Variants in CNTN4 observed in about 807,000 individuals in gnomAD.
CNTN4 encodes contactin-4.
In CNTN4, 77 loss-of-function variants were observed where a neutral mutation model predicts 122.5. That is an observed-to-expected ratio of 0.63 (90% CI 0.52 to 0.76). The LOEUF (loss-of-function observed/expected upper bound fraction) is 0.76. Among genes scored for constraint, CNTN4 ranks in the 30% least tolerant of loss-of-function variants. CNTN4 has a pLI of 0.00. For synonymous variants in CNTN4, 512 were observed against 447.0 expected (o/e 1.15, Z -1.83); for missense variants, 1,256 against 1,259.1 (o/e 1.00, Z 0.04).
chr3:2,482,345 T>A (rs1180960801), intron 3 of CNTN4, among the ~76,000 whole-genome samples: 1 of 151,926 alleles, frequency 6.6e-6, no homozygotes, highest in African/African-American at 2.4e-5. Flanking sequence ...TTAGGGTACC[T>A]GACAGAAGCA....
chr3:2,923,827 G>C (rs2094449941), intron 12 of CNTN4, among the ~76,000 whole-genome samples: 1 of 151,992 alleles, frequency 6.6e-6, no homozygotes, highest in Admixed American at 6.6e-5. Context: ...TATTGTTTTT[G>C]TAGTGTTCTC....
At chr3:2,173,646 C>A (rs1048250148) in intron 2 of CNTN4, among the ~76,000 whole-genome samples, 3 of 152,068 alleles carry the variant, frequency 2.0e-5, no homozygotes, top group Admixed American at 2.0e-4. Context: ...TAGAGAAAAT[C>A]TTTCGGATGT....
rs546119323 is a variant in CNTN4, at chr3:2,451,767, A to G, written c.-89+112534A>G. Among the ~76,000 whole-genome samples the G allele has an allele frequency of 1.2e-4, 19 of 152,266 alleles. No homozygotes were observed. The South Asian group carries it at 3.9e-3, about 32-fold the overall frequency. ...CCCTTCATTATTGTATCCTGATTAT[A>G]TATGTAATATGCCTTCCCAGGTTCA... On this transcript the variant is annotated intron_variant, in intron 3 of 24. Transcript: ENST00000418658.
chr3:2,411,637 T>C lies in CNTN4; in HGVS notation c.-89+72404T>C, dbSNP rs115827353. ...ATGGACTAATCGCTTCCCTGCCTGCTGCCTGCCTGCCTGCCTTCCTCCCTC... is the reference window on the plus strand; with the variant it reads ...ATGGACTAATCGCTTCCCTGCCTGCCGCCTGCCTGCCTGCCTTCCTCCCTC... On this transcript the variant is annotated intron_variant, in intron 3 of 24. Coordinates refer to ENST00000418658, the MANE Select transcript of CNTN4 (RefSeq NM_175607.3). Among the ~76,000 whole-genome samples the C allele has an allele frequency of 4.9e-3, 748 of 152,254 alleles. 5 individuals are homozygous for C. The highest frequency in any genetic ancestry group is 0.017 in the African/African-American group (701 of 41,542).
At chr3:2,375,041 G>T (rs1269363691) in intron 3 of CNTN4, among the ~76,000 whole-genome samples, 2 of 152,132 alleles carry the variant, frequency 1.3e-5, no homozygotes, top group Non-Finnish European at 2.9e-5. Context: ...AAGTCCATCT[G>T]ACAATATGAT....
At chr3:2,262,197 C>G (rs954308946) in intron 2 of CNTN4, 2 of 152,150 alleles carry the variant, frequency 1.3e-5, no homozygotes, top group African/African-American at 2.4e-5. Context: ...TAAAATGTGT[C>G]TTCCATTTTC....
At chr3:2,368,234 A>G (rs9820692) in intron 3 of CNTN4, among the ~76,000 whole-genome samples, 142,443 of 151,026 alleles carry the variant, frequency 0.94, 67,213 homozygotes, top group East Asian at 1. Context: ...GGGTTTCACC[A>G]TGTTAGCCAG....
chr3:2,829,571 T>C (rs1000562654), intron 7 of CNTN4, among the ~76,000 whole-genome samples: 10 of 152,256 alleles, frequency 6.6e-5, no homozygotes, highest in African/African-American at 2.4e-4. Context: ...ATATTTCTGA[T>C]TTCAGTTATC....
rs1010848100 is a variant in CNTN4, at chr3:2,254,473, T to G, written c.-144-84705T>G. On this transcript the variant is annotated intron_variant, in intron 2 of 24. Transcript: ENST00000418658. ...TCCTTGAGGAATTGCCACACTGTCT[T>G]CCACAGTGGTTGAACTAATTTACAC... is the stretch of plus-strand genomic sequence containing the variant. Among the ~76,000 whole-genome samples the G allele has an allele frequency of 2.0e-5, 3 of 152,180 alleles. No homozygotes were observed. In the East Asian group the frequency reaches 5.8e-4, roughly 29 times the overall value.
chr3:3,055,109 G>A (rs571761379), intron 24 of CNTN4, among the ~76,000 whole-genome samples: 1 of 152,042 alleles, frequency 6.6e-6, no homozygotes, highest in African/African-American at 2.4e-5. Flanking sequence ...CATCTTTTTT[G>A]CATACAAACA....
chr3:2,275,200 G>A lies in CNTN4; in HGVS notation c.-144-63978G>A, dbSNP rs73804992. Among the ~76,000 whole-genome samples the A allele has an allele frequency of 8.1e-3, 1,229 of 152,294 alleles. 23 individuals carry two copies. Among genetic ancestry groups the A allele is most frequent in the African/African-American group, 0.028 (1,149 of 41,548 alleles). On this transcript the variant is annotated intron_variant, in intron 2 of 24. Coordinates refer to ENST00000418658, the MANE Select transcript of CNTN4 (RefSeq NM_175607.3). ...TTAATTATGAATATATCAGCTGAAT[G>A]CTTTCATGTCAGTTGAGCTGTGCAG...
At chr3:2,462,880 T>C (rs755796629) in intron 3 of CNTN4, among the ~76,000 whole-genome samples, 2 of 152,216 alleles carry the variant, frequency 1.3e-5, no homozygotes, top group Non-Finnish European at 2.9e-5. Context: ...AATAGTATCA[T>C]TTCAGTATGG....
intron 4 of CNTN4, among the ~76,000 whole-genome samples, chr3:2,731,952 A>C (rs2088717080): frequency 1.3e-5 from 2 of 152,200 alleles, no homozygotes. Context: ...CTGGAGTTCA[A>C]CTACAAGTGT....
rs35914209 is a variant in CNTN4, at chr3:2,376,688, T to TTAAA, written c.-89+37455_-89+37456insTAAA. ...TTTGTGGAGTTGGGCACTTGTATGT[T>TTAAA]AAAAAAAAAAAAAAAAAGGTCAGGT... On this transcript the variant is annotated intron_variant, in intron 3 of 24. Coordinates refer to ENST00000418658, the MANE Select transcript of CNTN4 (RefSeq NM_175607.3). Among the ~76,000 whole-genome samples, 5 of 134,360 alleles carry TTAAA rather than the reference T, an allele frequency of 3.7e-5. No individual in the cohort carries two copies. The South Asian group carries it at 7.3e-4, about 20-fold the overall frequency. 88.1% of individuals were successfully genotyped at this position (134,360 alleles called of 152,430 possible). A position where few individuals can be genotyped will look rare whatever the true frequency, so the allele number is the denominator to read the frequency against.
At chr3:2,419,659 T>C (rs1455961678) in intron 3 of CNTN4, among the ~76,000 whole-genome samples, 2 of 152,170 alleles carry the variant, frequency 1.3e-5, no homozygotes, top group Non-Finnish European at 2.9e-5. Context: ...AAAACTTACT[T>C]CCACTAACAA....
intron 2 of CNTN4, among the ~76,000 whole-genome samples, chr3:2,171,010 G>A (rs1401023447): frequency 6.6e-6 from 1 of 152,094 alleles, no homozygotes; most frequent in Non-Finnish European, 1.5e-5. Flanking sequence ...AATACAGAAT[G>A]TTTCTAACTT....
intron 23 of CNTN4, among the ~76,000 whole-genome samples, chr3:3,049,096 A>G (rs1395403624): frequency 6.6e-6 from 1 of 152,090 alleles, no homozygotes; most frequent in Non-Finnish European, 1.5e-5. Flanking sequence ...ATTTTGTTGT[A>G]TTTTGAGACA....
chr3:2,412,254 CT>C (rs765865403), intron 3 of CNTN4, among the ~76,000 whole-genome samples: 3,193 of 145,390 alleles, frequency 0.022, 44 homozygotes, highest in Non-Finnish European at 0.03. Flanking sequence ...TTTACAAATA[CT>C]TTTTTTTTTT....
chr3:2,336,456 AG>A (rs2043957784), intron 2 of CNTN4, among the ~76,000 whole-genome samples: 1 of 152,174 alleles, frequency 6.6e-6, no homozygotes, highest in South Asian at 2.1e-4. Flanking sequence ...GTAGGTTGTT[AG>A]CATTGTGACT....
Sources: gnomAD v4.1 joint callset for allele counts (sites outside exome capture counted in the v4.1 genomes callset) on GRCh38, gnomAD v4.1.1 for gene constraint, MANE v1.5 for transcripts, NCBI Gene and HGNC (gene_info 2026-07-23, HGNC 2026-07-21) for gene names.